The following SPIDR variants were observed in gnomAD, a reference collection of about 807,000 sequenced individuals.
SPIDR encodes the protein scaffold protein involved in DNA repair, also known as DNA repair-scaffolding protein.
SPIDR carries 93 observed loss-of-function variants against 104.6 expected under a neutral mutation model. The ratio of observed to expected loss-of-function variants is 0.89; its 90% CI spans 0.75 to 1.06. SPIDR has a LOEUF of 1.06. Ranked by LOEUF, SPIDR falls within the 50% of genes least tolerant of loss-of-function variation. The pLI is 0.00. For synonymous variants in SPIDR, 431 were observed against 416.9 expected (o/e 1.03, Z -0.41); for missense variants, 1,154 against 1,111.2 (o/e 1.04, Z -0.55).
At chr8:47,708,330 T>C (rs1392443833) in intron 14 of SPIDR, among the ~76,000 whole-genome samples, 1 of 152,140 alleles carries the variant, frequency 6.6e-6, no homozygotes, top group African/African-American at 2.4e-5. Flanking sequence ...AAACTTTCCC[T>C]GATTACACAG....
chr8:47,292,583 G>C (rs2040112945), intron 4 of SPIDR, among the ~76,000 whole-genome samples: 1 of 152,078 alleles, frequency 6.6e-6, no homozygotes, highest in Non-Finnish European at 1.5e-5. Flanking sequence ...TTGTCTAAAA[G>C]TTTTTATAAC....
At chr8:47,555,928 T>C (rs1006179472) in intron 8 of SPIDR, among the ~76,000 whole-genome samples, 4 of 152,246 alleles carry the variant, frequency 2.6e-5, no homozygotes, top group Admixed American at 2.6e-4. Flanking sequence ...AGTCTGTCTG[T>C]CTGACAGGGT....
At chr8:47,294,219 A>G (rs979286858) in intron 5 of SPIDR, 189 bp downstream of exon 5, 5 of 612,476 alleles carry the variant, frequency 8.2e-6, no homozygotes, top group Admixed American at 7.6e-5. Flanking sequence ...CTCAACATGG[A>G]TAAATATTGA....
chr8:47,456,085 T>C (rs535019561), intron 8 of SPIDR, among the ~76,000 whole-genome samples: 43 of 152,314 alleles, frequency 2.8e-4, no homozygotes, highest in African/African-American at 9.4e-4. Context: ...TTAGACCATA[T>C]GTTAAGCCAC....
chr8:47,321,738 G>A (rs546576569), intron 5 of SPIDR, among the ~76,000 whole-genome samples: 35 of 152,220 alleles, frequency 2.3e-4, no homozygotes, highest in Admixed American at 1.5e-3. Context: ...TACTGGTACC[G>A]AAACAGAGAT....
In SPIDR at chr8:47,554,934, G is replaced by A. The variant is rs573782821; in HGVS notation, c.1098-40877G>A. Among the ~76,000 whole-genome samples, 6 of 152,308 alleles carry A rather than the reference G, an allele frequency of 3.9e-5. No individual in the cohort carries two copies. The South Asian group carries it at 1.0e-3, about 26-fold the overall frequency. ...TGCACAGTTAAATTTTCAAAAGCAGGTGGCCTGTAAGTTTGATCATTTGGA... is the reference window on the plus strand; with the variant it reads ...TGCACAGTTAAATTTTCAAAAGCAGATGGCCTGTAAGTTTGATCATTTGGA... On this transcript the variant is annotated intron_variant, in intron 8 of 19. Coordinates refer to ENST00000297423, the MANE Select transcript of SPIDR (RefSeq NM_001080394.4).
At chr8:47,591,895 C>T (rs1464295991) in intron 8 of SPIDR, among the ~76,000 whole-genome samples, 6 of 150,868 alleles carry the variant, frequency 4.0e-5, no homozygotes, top group Admixed American at 2.0e-4. Flanking sequence ...AGAAACGGGG[C>T]GGGGGGGCAC....
intron 14 of SPIDR, among the ~76,000 whole-genome samples, chr8:47,709,198 T>C (rs1160623997): frequency 6.6e-6 from 1 of 152,128 alleles, no homozygotes; most frequent in Non-Finnish European, 1.5e-5. Flanking sequence ...TGGAGTGCAG[T>C]GGCATGACCT....
chr8:47,557,703 C>A (rs1293116655), intron 8 of SPIDR, among the ~76,000 whole-genome samples: 1 of 152,166 alleles, frequency 6.6e-6, no homozygotes, highest in Non-Finnish European at 1.5e-5. Context: ...TGTTGGCCAA[C>A]ATTATGTATA....
chr8:47,529,740 A>G (rs1290653747), intron 8 of SPIDR, among the ~76,000 whole-genome samples: 1 of 152,144 alleles, frequency 6.6e-6, no homozygotes, highest in Non-Finnish European at 1.5e-5. Context: ...AATAGCTAAA[A>G]TGTATTCAGT....
chr8:47,499,308 TATC>T (rs2079955665), intron 8 of SPIDR, among the ~76,000 whole-genome samples: 1 of 152,206 alleles, frequency 6.6e-6, no homozygotes, highest in Non-Finnish European at 1.5e-5. Flanking sequence ...TATAGACTGG[TATC>T]ATCCAAATGA....
intron 8 of SPIDR, among the ~76,000 whole-genome samples, chr8:47,562,895 C>G (rs545285362): frequency 6.6e-6 from 1 of 152,272 alleles, no homozygotes; most frequent in East Asian, 1.9e-4. Context: ...TAGCCTTTAT[C>G]TCTCTCTTGA....
At chr8:47,418,249 CCATGAG>C (rs2064737019) in intron 7 of SPIDR, among the ~76,000 whole-genome samples, 1 of 152,168 alleles carries the variant, frequency 6.6e-6, no homozygotes, top group Admixed American at 6.5e-5. Context: ...TTCTTCCTAT[CCATGAG>C]CATGGAATGT....
At chr8:47,603,367 A>C (rs1402173411) in intron 10 of SPIDR, among the ~76,000 whole-genome samples, 1 of 151,984 alleles carries the variant, frequency 6.6e-6, no homozygotes, top group Non-Finnish European at 1.5e-5. Context: ...TTTCTTCTTG[A>C]GATATTTAAC....
chr8:47,354,145 A>G (rs2054073642), intron 5 of SPIDR, among the ~76,000 whole-genome samples: 1 of 152,160 alleles, frequency 6.6e-6, no homozygotes. Context: ...ATTATTTTAT[A>G]TCTTTAAAGA....
intron 8 of SPIDR, among the ~76,000 whole-genome samples, chr8:47,543,888 G>C (rs1272756260): frequency 6.6e-6 from 1 of 152,144 alleles, no homozygotes; most frequent in African/African-American, 2.4e-5. Flanking sequence ...GCCTGGTTTT[G>C]GCCTCAGATA....
chr8:47,349,414 G>C (rs2052936970), intron 5 of SPIDR, among the ~76,000 whole-genome samples: 1 of 152,236 alleles, frequency 6.6e-6, no homozygotes, highest in Non-Finnish European at 1.5e-5. Context: ...CAGTTAGGCT[G>C]CTTGGGGGTC....
At chr8:47,306,090 G>GAATTT (rs2043044657) in intron 5 of SPIDR, among the ~76,000 whole-genome samples, 1 of 152,040 alleles carries the variant, frequency 6.6e-6, no homozygotes, top group Admixed American at 6.6e-5. Flanking sequence ...TTCTGTGACT[G>GAATTT]GTTTATTTCA....
At chr8:47,335,090 A>G (rs2049443253) in intron 5 of SPIDR, among the ~76,000 whole-genome samples, 1 of 152,222 alleles carries the variant, frequency 6.6e-6, no homozygotes, top group African/African-American at 2.4e-5. Context: ...ATAAATACAT[A>G]TAAGAGCATA....
Sources: allele counts gnomAD v4.1 joint callset (sites outside exome capture counted in the v4.1 genomes callset), GRCh38; gene constraint gnomAD v4.1.1; transcripts MANE v1.5; gene names NCBI Gene and HGNC (gene_info 2026-07-23, HGNC 2026-07-21).